Variants in CFAP20 observed in about 807,000 individuals in gnomAD.
CFAP20 encodes the protein cilia and flagella associated protein 20, also known as cilia- and flagella-associated protein 20.
In CFAP20, 14 loss-of-function variants were observed where a neutral mutation model predicts 25.5. That is an observed-to-expected ratio of 0.55 (90% CI 0.36 to 0.86). CFAP20 has a LOEUF of 0.86. CFAP20 is among the 40% of genes least tolerant of loss of function. CFAP20 has a pLI of 0.01. For synonymous variants in CFAP20, 75 were observed against 91.1 expected (o/e 0.82, Z 1.01); for missense variants, 181 against 248.0 (o/e 0.73, Z 1.81).
chr16:58,119,316 C>T (rs569052893), intron 1 of CFAP20: 3 of 152,282 alleles, frequency 2.0e-5, no homozygotes, highest in South Asian at 2.1e-4. Context: ...TTTCTATCTT[C>T]GACAATGCTT....
intron 3 of CFAP20, 72 bp downstream of exon 3, chr16:58,115,969 T>C: frequency 8.9e-7 from 1 of 1,126,120 alleles, no homozygotes; most frequent in Admixed American, 2.0e-5. Flanking sequence ...GTAGGGTCAC[T>C]TTTTCCCATC....
chr16:58,124,987 A>G (rs1209546979), intron 1 of CFAP20, among the ~76,000 whole-genome samples: 1 of 152,182 alleles, frequency 6.6e-6, no homozygotes, highest in African/African-American at 2.4e-5. Context: ...GAACTTTTTT[A>G]CTTTATAAAC....
intron 1 of CFAP20, among the ~76,000 whole-genome samples, chr16:58,127,281 C>T (rs368376510): frequency 6.6e-6 from 1 of 152,200 alleles, no homozygotes; most frequent in Admixed American, 6.5e-5. Context: ...AAAACTGATA[C>T]AAGTTTCGTA....
At chr16:58,114,737 G>T in intron 5 of CFAP20, 73 bp downstream of exon 5, 2 of 1,258,364 alleles carry the variant, frequency 1.6e-6, no homozygotes, top group South Asian at 2.5e-5. Context: ...TGAATTCTTA[G>T]ACCAGAGCAC....
Position 58,114,896 on chromosome 16 carries a change from G to A in CFAP20, c.490C>T (p.Arg164Trp), listed in dbSNP as rs557675987. ...TAGAGTCTGTCTGAGAAGTAAACCC[G>A]TCGGATGCGACAATTTGCATGGATC... ...VQIHANCRIRRVYFSDRLYSE... is the reference protein window; with the variant it reads ...VQIHANCRIRWVYFSDRLYSE... The change falls in exon 5 of 6, where the codon CGG becomes TGG. Residue 164 changes from arginine (R) to tryptophan (W), a missense_variant. Arg to Trp is a moderately radical substitution (Grantham distance 101, BLOSUM62 -3). Transcript: ENST00000262498. The A allele has an allele frequency of 3.1e-6, 5 of 1,613,954 alleles. No homozygotes were observed. The highest frequency in any genetic ancestry group is 1.1e-5 in the South Asian group (1 of 91,072).
intron 5 of CFAP20, 124 bp from the exon 6 acceptor site, chr16:58,114,154 T>C (rs1054876125): frequency 9.8e-6 from 10 of 1,024,892 alleles, no homozygotes; most frequent in African/African-American, 3.2e-5. Context: ...TGGACACACA[T>C]CTGCAGCACA....
chr16:58,115,426 A>G lies in CFAP20; in HGVS notation c.308T>C (p.Phe103Ser). The change falls in exon 4 of 6, where the codon TTT (phenylalanine) becomes TCT (serine). Residue 103 changes from phenylalanine to serine, a missense_variant. Transcript: ENST00000262498. ...GGTGCTCTGGTAGTTACTTGCCCGAAAGCGACGACGCACATTCTTGTCATC... is the reference window on the plus strand; with the variant it reads ...GGTGCTCTGGTAGTTACTTGCCCGAGAGCGACGACGCACATTCTTGTCATC... ...VLDDKNVRRR[F>S]RASNYQSTTR... 1 of 1,614,224 alleles carries G rather than the reference A, an allele frequency of 6.2e-7. No individual in the cohort carries two copies. Among genetic ancestry groups the G allele is most frequent in the Non-Finnish European group, 8.5e-7 (1 of 1,180,050 alleles).
chr16:58,128,212 G>T (rs1377628556), intron 1 of CFAP20, among the ~76,000 whole-genome samples: 1 of 152,012 alleles, frequency 6.6e-6, no homozygotes. Context: ...CTTCACATCT[G>T]CAAAAAACAG....
At chr16:58,118,074 A>C (rs1218946146) in intron 1 of CFAP20, among the ~76,000 whole-genome samples, 3 of 152,246 alleles carry the variant, frequency 2.0e-5, no homozygotes, top group Non-Finnish European at 4.4e-5. Flanking sequence ...AGGAATCAAT[A>C]TTCAATACAG....
At chr16:58,120,083 G>A (rs1490041380) in intron 1 of CFAP20, among the ~76,000 whole-genome samples, 1 of 152,178 alleles carries the variant, frequency 6.6e-6, no homozygotes, top group African/African-American at 2.4e-5. Flanking sequence ...ATTTTCTGTG[G>A]AAAACCAAGC....
intron 2 of CFAP20, 157 bp downstream of exon 2, chr16:58,116,715 G>A (rs1160567541): frequency 3.2e-6 from 2 of 630,058 alleles, no homozygotes; most frequent in Middle Eastern, 3.6e-4. Context: ...AGTATGCTAA[G>A]GTCTGGGGGA....
intron 1 of CFAP20, among the ~76,000 whole-genome samples, chr16:58,122,386 GC>G (rs1195112633): frequency 6.6e-6 from 1 of 152,126 alleles, no homozygotes. Flanking sequence ...TTTGAGACCA[GC>G]CTGGGCAACA....
chr16:58,127,472 T>G (rs1194375418), intron 1 of CFAP20, among the ~76,000 whole-genome samples: 3 of 152,260 alleles, frequency 2.0e-5, no homozygotes, highest in Non-Finnish European at 1.5e-5. Flanking sequence ...CCTCTCTTCA[T>G]GCCTTCTGAC....
intron 1 of CFAP20, chr16:58,119,095 T>G (rs1184516872): frequency 1.3e-5 from 2 of 152,176 alleles, no homozygotes; most frequent in Non-Finnish European, 2.9e-5. Context: ...AGTTTTATTT[T>G]TCAACATAAA....
intron 5 of CFAP20, 50 bp downstream of exon 5, chr16:58,114,760 C>T: frequency 6.9e-7 from 1 of 1,458,584 alleles, no homozygotes; most frequent in East Asian, 2.3e-5. Flanking sequence ...TCCAGGAACA[C>T]AGCTCCCCCC....
chr16:58,116,172 T>A lies in CFAP20; in HGVS notation c.165-20A>T. The A allele has an allele frequency of 6.6e-7, 1 of 1,522,614 alleles. No individual in the cohort carries two copies. Among genetic ancestry groups the A allele is most frequent in the Non-Finnish European group, 9.1e-7 (1 of 1,097,196 alleles). 94.3% of individuals were successfully genotyped at this position (1,522,614 alleles called of 1,614,324 possible). A position where few individuals can be genotyped will look rare whatever the true frequency, so the allele number is the denominator to read the frequency against. ...GTGGTGCTGTAGAGAGAGGAAATAC[T>A]AATAAACACACTCCTGGACTCTCTT... On this transcript the variant is annotated intron_variant, in intron 2 of 5. Transcript: ENST00000262498.
intron 3 of CFAP20, 175 bp from the exon 4 acceptor site, chr16:58,115,632 A>T (rs1960447378): frequency 1.4e-6 from 1 of 698,082 alleles, no homozygotes; most frequent in African/African-American, 1.8e-5. Flanking sequence ...GGAAGTAGCA[A>T]GTTTATCTTG....
At chr16:58,115,536 A>ATTCCCACAGCTTGCT in intron 3 of CFAP20, 79 bp from the exon 4 acceptor site, 1 of 1,516,430 alleles carries the variant, frequency 6.6e-7, no homozygotes. Flanking sequence ...AAGGACCTGA[A>ATTCCCACAGCTTGCT]TTCCCACAGC....
At chr16:58,123,349 C>A (rs1436855371) in intron 1 of CFAP20, among the ~76,000 whole-genome samples, 1 of 146,012 alleles carries the variant, frequency 6.8e-6, no homozygotes, top group Non-Finnish European at 1.5e-5. Context: ...GTAATCCCAA[C>A]ACTTTGGGAG....
Sources: gnomAD v4.1 joint callset for allele counts (sites outside exome capture counted in the v4.1 genomes callset) on GRCh38, gnomAD v4.1.1 for gene constraint, MANE v1.5 for transcripts, NCBI Gene and HGNC (gene_info 2026-07-23, HGNC 2026-07-21) for gene names.